Variants in SULF1 observed in about 807,000 individuals in gnomAD.
SULF1 encodes extracellular sulfatase Sulf-1.
Under a neutral mutation model 110.5 loss-of-function variants are expected in SULF1, and 46 were observed. That is an observed-to-expected ratio of 0.42 (90% CI 0.33 to 0.53). The LOEUF is 0.53. SULF1 is among the 20% of genes least tolerant of loss of function. SULF1 has a pLI of 0.12. For synonymous variants in SULF1, 371 were observed against 387.1 expected (o/e 0.96, Z 0.49); for missense variants, 941 against 1,094.2 (o/e 0.86, Z 1.98).
chr8:69,528,923 G>A (rs1252352966), intron 3 of SULF1, among the ~76,000 whole-genome samples: 1 of 152,134 alleles, frequency 6.6e-6, no homozygotes, highest in Non-Finnish European at 1.5e-5. Context: ...CATAGAAAAA[G>A]AAGGAACTAT....
chr8:69,591,168 G>A (rs964655411), intron 8 of SULF1, among the ~76,000 whole-genome samples: 4 of 152,120 alleles, frequency 2.6e-5, no homozygotes, highest in African/African-American at 9.7e-5. Context: ...CTCAGGTCAA[G>A]AGTTTATAAG....
chr8:69,558,019 T>G (rs1420190661), intron 3 of SULF1, among the ~76,000 whole-genome samples: 1 of 152,214 alleles, frequency 6.6e-6, no homozygotes, highest in Non-Finnish European at 1.5e-5. Context: ...TTTCTGGAGA[T>G]TAACAGTAGG....
At chr8:69,578,430 G>T (rs1368310704) in intron 6 of SULF1, among the ~76,000 whole-genome samples, 1 of 151,676 alleles carries the variant, frequency 6.6e-6, no homozygotes, top group Admixed American at 6.6e-5. Context: ...GTATACATGT[G>T]CCGTGCTGGT....
intron 1 of SULF1, among the ~76,000 whole-genome samples, chr8:69,471,211 T>C (rs925336389): frequency 6.6e-6 from 1 of 152,226 alleles, no homozygotes; most frequent in Non-Finnish European, 1.5e-5. Flanking sequence ...TCTTTATTCC[T>C]TGACTTCTCA....
intron 19 of SULF1, among the ~76,000 whole-genome samples, chr8:69,635,611 C>A (rs1325883813): frequency 6.6e-6 from 1 of 152,144 alleles, no homozygotes; most frequent in East Asian, 1.9e-4. Flanking sequence ...GTGGCTCACG[C>A]CTGTAAGCCC....
chr8:69,627,652 A>T, intron 16 of SULF1, 120 bp from the exon 17 acceptor site: 1 of 724,706 alleles, frequency 1.4e-6, no homozygotes, highest in Non-Finnish European at 2.4e-6. Context: ...TTTCTATGTT[A>T]AGTATCATCT....
intron 1 of SULF1, among the ~76,000 whole-genome samples, chr8:69,482,235 T>A (rs756390564): frequency 5.3e-5 from 8 of 152,230 alleles, no homozygotes; most frequent in Non-Finnish European, 1.2e-4. Flanking sequence ...GGCTAGATAA[T>A]GGGCTCTCTT....
At chr8:69,519,077 G>A (rs1214972025) in intron 3 of SULF1, among the ~76,000 whole-genome samples, 2 of 152,150 alleles carry the variant, frequency 1.3e-5, no homozygotes, top group Non-Finnish European at 2.9e-5. Context: ...TTCAATGTCT[G>A]AGAGTTGCTT....
chr8:69,563,912 C>G lies in SULF1; in HGVS notation c.-60-4C>G. The G allele has an allele frequency of 1.3e-6, 2 of 1,558,188 alleles. No homozygotes were observed. Among genetic ancestry groups the G allele is most frequent in the Non-Finnish European group, 1.8e-6 (2 of 1,135,032 alleles). On this transcript the variant is annotated splice_region_variant and splice_polypyrimidine_tract_variant and intron_variant, in intron 4 of 22. Transcript: ENST00000402687. ...ACCGTCTCCGTTTTTCTCTGACTGC[C>G]CAGAACTCCAGAAATCAGGAGACGG...
intron 19 of SULF1, 122 bp from the exon 20 acceptor site, chr8:69,638,380 A>G: frequency 5.0e-6 from 6 of 1,189,094 alleles, no homozygotes; most frequent in Non-Finnish European, 7.0e-6. Context: ...TGAAACCACA[A>G]TATTTATAAG....
intron 3 of SULF1, among the ~76,000 whole-genome samples, chr8:69,515,062 G>A (rs1037703650): frequency 6.6e-6 from 1 of 152,126 alleles, no homozygotes; most frequent in Non-Finnish European, 1.5e-5. Flanking sequence ...GGGGTCTGGA[G>A]GACAGTAGCC....
intron 22 of SULF1, among the ~76,000 whole-genome samples, chr8:69,650,652 A>G: frequency 6.6e-6 from 1 of 152,122 alleles, no homozygotes; most frequent in Non-Finnish European, 1.5e-5. Flanking sequence ...CTGCGTATTT[A>G]TTTCTATCAG....
At chr8:69,499,334 C>CT (rs544038419) in intron 2 of SULF1, among the ~76,000 whole-genome samples, 275 of 152,296 alleles carry the variant, frequency 1.8e-3, no homozygotes, top group African/African-American at 5.7e-3. Context: ...CAATAATACT[C>CT]TAATTCATAT....
chr8:69,569,874 A>G (rs1805102269), intron 5 of SULF1, among the ~76,000 whole-genome samples: 1 of 151,820 alleles, frequency 6.6e-6, no homozygotes, highest in African/African-American at 2.4e-5. Flanking sequence ...TAGGTAAAAA[A>G]CATCTTTTTT....
intron 22 of SULF1, among the ~76,000 whole-genome samples, chr8:69,657,068 A>T (rs906478188): frequency 6.6e-6 from 1 of 152,126 alleles, no homozygotes; most frequent in African/African-American, 2.4e-5. Context: ...TGGTAATTTG[A>T]TATAGATTTA....
intron 3 of SULF1, among the ~76,000 whole-genome samples, chr8:69,526,033 T>C (rs1207674536): frequency 6.6e-6 from 1 of 152,220 alleles, no homozygotes; most frequent in African/African-American, 2.4e-5. Flanking sequence ...ATATATTCTC[T>C]GAAAATGATT....
intron 2 of SULF1, among the ~76,000 whole-genome samples, chr8:69,498,904 G>A (rs1810584253): frequency 6.6e-6 from 1 of 152,170 alleles, no homozygotes; most frequent in South Asian, 2.1e-4. Flanking sequence ...TATTACCCAG[G>A]TTGGAGTGCA....
At chr8:69,572,871 A>C (rs919140111) in intron 5 of SULF1, among the ~76,000 whole-genome samples, 10 of 152,312 alleles carry the variant, frequency 6.6e-5, no homozygotes, top group Admixed American at 2.0e-4. Flanking sequence ...TTTGTCCCCC[A>C]GGCTGAAGTG....
In SULF1 at chr8:69,575,593, C is replaced by A. The variant is rs114147797; in HGVS notation, c.173-377C>A. ...TAGTAGCAATGTCACTAGTAGATTG[C>A]ATTTGTGCTGGGCTGGGGGTTTTGA... On this transcript the variant is annotated intron_variant, in intron 5 of 22. Transcript: ENST00000402687. Among the ~76,000 whole-genome samples, 767 of 152,100 alleles carry A rather than the reference C, an allele frequency of 5.0e-3. 5 individuals carry two copies. Among genetic ancestry groups the A allele is most frequent in the African/African-American group, 0.017 (716 of 41,496 alleles).
Sources: gnomAD v4.1 joint callset for allele counts (sites outside exome capture counted in the v4.1 genomes callset) on GRCh38, gnomAD v4.1.1 for gene constraint, MANE v1.5 for transcripts, NCBI Gene and HGNC (gene_info 2026-07-23, HGNC 2026-07-21) for gene names.